Variants in KIAA1328 observed in about 807,000 individuals in gnomAD.
KIAA1328 encodes the protein KIAA1328.
A neutral mutation model predicts 68.1 loss-of-function variants in KIAA1328; 52 were observed. The observed-to-expected ratio is 0.76, with a 90% CI of 0.61 to 0.96. KIAA1328 has a LOEUF of 0.96. Among genes scored for constraint, KIAA1328 ranks in the 40% least tolerant of loss-of-function variants. The pLI is 0.00. For missense variants in KIAA1328, 641 were observed against 677.6 expected (o/e 0.95, Z 0.60); for synonymous variants, 232 against 239.4 (o/e 0.97, Z 0.28).
chr18:36,963,063 A>T (rs942278529), intron 6 of KIAA1328, among the ~76,000 whole-genome samples: 12 of 152,252 alleles, frequency 7.9e-5, no homozygotes, highest in Non-Finnish European at 1.6e-4. Flanking sequence ...CAAAATTGAA[A>T]TAGCCAAAGT....
intron 6 of KIAA1328, among the ~76,000 whole-genome samples, chr18:36,972,789 C>G (rs771900206): frequency 6.6e-6 from 1 of 152,182 alleles, no homozygotes; most frequent in Non-Finnish European, 1.5e-5. Flanking sequence ...CTCTTCCTCC[C>G]CTCTGGAGTA....
At chr18:37,195,719 T>C (rs1028106097) in intron 9 of KIAA1328, among the ~76,000 whole-genome samples, 2 of 152,214 alleles carry the variant, frequency 1.3e-5, no homozygotes, top group African/African-American at 4.8e-5. Flanking sequence ...CGATTCAAAG[T>C]TAGATACTGG....
intron 6 of KIAA1328, among the ~76,000 whole-genome samples, chr18:37,056,444 AT>A (rs1266106729): frequency 6.6e-6 from 1 of 151,308 alleles, no homozygotes; most frequent in East Asian, 1.9e-4. Context: ...TTCTTTTGTC[AT>A]TAGTTTCTTT....
chr18:36,938,355 A>T (rs2050582549), intron 5 of KIAA1328, among the ~76,000 whole-genome samples: 1 of 152,092 alleles, frequency 6.6e-6, no homozygotes, highest in Non-Finnish European at 1.5e-5. Context: ...ATGATTAGTG[A>T]TGATGAGCAT....
intron 6 of KIAA1328, among the ~76,000 whole-genome samples, chr18:36,993,356 A>T (rs2053265728): frequency 6.6e-6 from 1 of 152,170 alleles, no homozygotes; most frequent in African/African-American, 2.4e-5. Flanking sequence ...TATATATTTT[A>T]TGTTTGTAGA....
At chr18:36,932,867 A>G (rs903949335) in intron 5 of KIAA1328, among the ~76,000 whole-genome samples, 6 of 152,220 alleles carry the variant, frequency 3.9e-5, no homozygotes. Flanking sequence ...TTAGTAAACA[A>G]TGTTGTCTTC....
rs146367027 is a variant in KIAA1328, at chr18:36,997,811, T to C, written c.576+38376T>C. The stretch of plus-strand genomic sequence containing the variant: ...TAAGTGAGCAGAGCACAAATTTCCA[T>C]TGGGACTTGGTTGTGAGATACGGTG... On this transcript the variant is annotated intron_variant, in intron 6 of 9. Coordinates refer to ENST00000280020, the MANE Select transcript of KIAA1328 (RefSeq NM_020776.3). 4.7e-3 allele frequency among the ~76,000 whole-genome samples: 710 copies of C among 152,210 alleles called. 3 individuals are homozygous for C. Among genetic ancestry groups the C allele is most frequent in the African/African-American group, 0.016 (656 of 41,528 alleles).
intron 7 of KIAA1328, among the ~76,000 whole-genome samples, chr18:37,088,315 A>G (rs929304136): frequency 1.3e-5 from 2 of 152,166 alleles, no homozygotes; most frequent in Non-Finnish European, 2.9e-5. Context: ...TTAGAAGAGA[A>G]TAGAGATACG....
At chr18:36,963,445 G>T (rs1368596530) in intron 6 of KIAA1328, among the ~76,000 whole-genome samples, 1 of 152,168 alleles carries the variant, frequency 6.6e-6, no homozygotes, top group Non-Finnish European at 1.5e-5. Context: ...TTATCTTAAG[G>T]ATACAGAGCT....
At chr18:37,227,058 C>T (rs1000546245), downstream of KIAA1328, among the ~76,000 whole-genome samples, 10 of 152,146 alleles carry the variant, frequency 6.6e-5, no homozygotes, top group African/African-American at 1.9e-4. Context: ...TGAGCCACCG[C>T]GCCCAGGCCC....
chr18:37,050,726 A>G (rs1328647835), intron 6 of KIAA1328, among the ~76,000 whole-genome samples: 1 of 152,206 alleles, frequency 6.6e-6, no homozygotes, highest in Admixed American at 6.5e-5. Flanking sequence ...ATAAATTGTG[A>G]TGCTGATTTA....
chr18:37,179,169 CTTTG>C (rs1035054274), intron 9 of KIAA1328, among the ~76,000 whole-genome samples: 1 of 152,168 alleles, frequency 6.6e-6, no homozygotes, highest in Non-Finnish European at 1.5e-5. Context: ...AGCTTTTCCT[CTTTG>C]TTTGCTTCCA....
chr18:37,073,847 A>G (rs190980534), intron 7 of KIAA1328, among the ~76,000 whole-genome samples: 3 of 152,118 alleles, frequency 2.0e-5, no homozygotes, highest in Admixed American at 1.3e-4. Flanking sequence ...GATAATACCA[A>G]CGTTTATGTG....
At chr18:37,216,140 T>C (rs2154221430) in intron 9 of KIAA1328, among the ~76,000 whole-genome samples, 1 of 152,330 alleles carries the variant, frequency 6.6e-6, no homozygotes, top group Non-Finnish European at 1.5e-5. Context: ...TGTGTCTCTA[T>C]CTCCTTCAGT....
chr18:36,991,235 G>C (rs2053164939), intron 6 of KIAA1328, among the ~76,000 whole-genome samples: 1 of 152,026 alleles, frequency 6.6e-6, no homozygotes, highest in Non-Finnish European at 1.5e-5. Flanking sequence ...AACCTATTTT[G>C]CATTTTCTCT....
At chr18:36,888,069 A>C (rs2048560006) in intron 5 of KIAA1328, among the ~76,000 whole-genome samples, 1 of 152,236 alleles carries the variant, frequency 6.6e-6, no homozygotes. Flanking sequence ...ACCAGTCTAT[A>C]CTTAGCATGG....
chr18:37,163,985 G>A (rs11081991), intron 8 of KIAA1328, among the ~76,000 whole-genome samples: 20,716 of 152,152 alleles, frequency 0.14, 1,751 homozygotes, highest in Admixed American at 0.18. Flanking sequence ...CTAAAAAAAG[G>A]AATTCAAATA....
Position 37,143,521 on chromosome 18 carries a change from C to CTTTTTTTTTTTTTTTTTTTT in KIAA1328, c.1233-16676_1233-16657dup, listed in dbSNP as rs57046567. On this transcript the variant is annotated intron_variant, in intron 7 of 9. Coordinates refer to ENST00000280020, the MANE Select transcript of KIAA1328 (RefSeq NM_020776.3). ...CCAAGCTTTATGCCTTTTTTTCTTT[C>CTTTTTTTTTTTTTTTTTTTT]TTTTTTTTTTTTTTTTTTTTTTGCT... Among the ~76,000 whole-genome samples the CTTTTTTTTTTTTTTTTTTTT allele has an allele frequency of 1.5e-3, 132 of 90,784 alleles. 1 individual carries two copies. The highest frequency in any genetic ancestry group is 3.8e-3 in the African/African-American group (79 of 20,838). 59.6% of individuals were successfully genotyped at this position (90,784 alleles called of 152,430 possible).
At chr18:36,856,783 A>G (rs1297958325) in intron 4 of KIAA1328, among the ~76,000 whole-genome samples, 1 of 152,164 alleles carries the variant, frequency 6.6e-6, no homozygotes, top group Non-Finnish European at 1.5e-5. Flanking sequence ...ATGTTATAAT[A>G]TGGTAATTGT....
Sources: allele counts gnomAD v4.1 joint callset (sites outside exome capture counted in the v4.1 genomes callset), GRCh38; gene constraint gnomAD v4.1.1; transcripts MANE v1.5; gene names NCBI Gene and HGNC (gene_info 2026-07-23, HGNC 2026-07-21).